The following TBC1D19 variants were observed in gnomAD, a reference collection of about 807,000 sequenced individuals.
TBC1D19 encodes TBC1 domain family, member 19.
TBC1D19 carries 60 observed loss-of-function variants against 89.0 expected under a neutral mutation model. The ratio of observed to expected loss-of-function variants is 0.67; its 90% CI spans 0.55 to 0.84. TBC1D19 has a LOEUF of 0.84. Among genes scored for constraint, TBC1D19 ranks in the 40% least tolerant of loss-of-function variants. TBC1D19 has a pLI of 0.00. For synonymous variants in TBC1D19, 189 were observed against 199.7 expected, an observed-to-expected ratio of 0.95 and a Z score of 0.45; for missense variants, 500 against 610.8, an observed-to-expected ratio of 0.82 and a Z score of 1.91.
At chr4:26,722,000 A>G (rs1717009066) in intron 15 of TBC1D19, among the ~76,000 whole-genome samples, 1 of 152,190 alleles carries the variant, frequency 6.6e-6, no homozygotes, top group South Asian at 2.1e-4. Flanking sequence ...CTCCCATAGT[A>G]CCTGGTCTAA....
Position 26,622,496 on chromosome 4 carries a change from C to T in TBC1D19, c.294+1808C>T, listed in dbSNP as rs1297801235. Among the ~76,000 whole-genome samples the T allele has an allele frequency of 3.9e-5, 6 of 152,138 alleles. No homozygotes were observed. In the Middle Eastern group the frequency reaches 0.01, roughly 259 times the overall value. On this transcript the variant is annotated intron_variant, in intron 4 of 20. Transcript: ENST00000264866. ...AGAATATATGTGAGTGATAGGTACA[C>T]GTATGATACTCCTCTCTTTTCTTTC...
chr4:26,735,365 C>A (rs1717979777), intron 15 of TBC1D19, 90 bp from the exon 16 acceptor site: 3 of 1,086,050 alleles, frequency 2.8e-6, no homozygotes, highest in Admixed American at 3.2e-5. Flanking sequence ...AAATAGAAAA[C>A]CTTTTTATTG....
the TBC1D19 span, among the ~76,000 whole-genome samples, chr4:26,782,511 G>A: frequency 6.6e-6 from 1 of 152,140 alleles, no homozygotes; most frequent in African/African-American, 2.4e-5. Context: ...GCAGCCAAAC[G>A]TCAAAACTGG....
chr4:26,748,279 A>G (rs1718760499), intron 18 of TBC1D19, 132 bp from the exon 19 acceptor site: 2 of 634,080 alleles, frequency 3.2e-6, no homozygotes, highest in African/African-American at 1.8e-5. Flanking sequence ...GCTTTCAAGA[A>G]AGTACTTAAG....
intron 16 of TBC1D19, among the ~76,000 whole-genome samples, chr4:26,737,534 T>C (rs1345005639): frequency 6.6e-6 from 1 of 152,154 alleles, no homozygotes; most frequent in Non-Finnish European, 1.5e-5. Context: ...TATCATTGAC[T>C]CAGCCTCTGC....
intron 13 of TBC1D19, among the ~76,000 whole-genome samples, chr4:26,697,478 T>C (rs967451963): frequency 3.3e-5 from 5 of 151,960 alleles, no homozygotes; most frequent in Non-Finnish European, 7.4e-5. Context: ...TTCCAATCAA[T>C]AGAAAAAGAG....
intron 13 of TBC1D19, among the ~76,000 whole-genome samples, chr4:26,701,744 T>C (rs77210884): frequency 2.8e-4 from 43 of 151,100 alleles, no homozygotes; most frequent in African/African-American, 9.9e-4. Flanking sequence ...CACAAAGACA[T>C]AAAAAAAACC....
chr4:26,776,319 G>T, the TBC1D19 span, among the ~76,000 whole-genome samples: 1 of 151,942 alleles, frequency 6.6e-6, no homozygotes, highest in African/African-American at 2.4e-5. Flanking sequence ...TAGTTTTCAA[G>T]AATACAAGAG....
chr4:26,583,689 T>C (rs10805265), upstream of TBC1D19, among the ~76,000 whole-genome samples: 125,954 of 152,172 alleles, frequency 0.83, 57,102 homozygotes, highest in Non-Finnish European at 1. Context: ...TCCTGCAAAC[T>C]GGGTGTTATT....
the TBC1D19 span, among the ~76,000 whole-genome samples, chr4:26,818,620 C>T: frequency 3.1e-3 from 466 of 152,310 alleles, 5 homozygotes; most frequent in African/African-American, 0.011. Context: ...AGATTCTTTA[C>T]TCGTATTCCC....
At chr4:26,824,355 A>G in the TBC1D19 span, among the ~76,000 whole-genome samples, 5 of 152,256 alleles carry the variant, frequency 3.3e-5, no homozygotes, top group African/African-American at 1.2e-4. Context: ...TTGCAGTTTC[A>G]AATGTTGACT....
chr4:26,794,727 A>G, the TBC1D19 span, among the ~76,000 whole-genome samples: 17 of 152,368 alleles, frequency 1.1e-4, no homozygotes, highest in South Asian at 3.3e-3. Flanking sequence ...ATGCTACTTA[A>G]ATAATTCTAG....
chr4:26,590,989 T>TG lies in TBC1D19; in HGVS notation c.99+6698dup, dbSNP rs544335167. 1.6e-3 allele frequency among the ~76,000 whole-genome samples: 237 copies of TG among 151,778 alleles called. 2 individuals are homozygous for TG. Among genetic ancestry groups the TG allele is most frequent in the African/African-American group, 5.6e-3 (230 of 41,324 alleles). ...ACAAATACATGGTGTCCTGTATTTA[T>TG]GTATTCACAATTCCAGTATCATACA... On this transcript the variant is annotated intron_variant, in intron 1 of 20. Transcript: ENST00000264866.
chr4:26,616,198 A>G (rs1262400728), intron 3 of TBC1D19, among the ~76,000 whole-genome samples: 1 of 152,182 alleles, frequency 6.6e-6, no homozygotes, highest in African/African-American at 2.4e-5. Context: ...AGGAGGACAT[A>G]GCTTAGTATG....
At chr4:26,578,490 G>T (rs979092345) in intron 1 of TBC1D19, among the ~76,000 whole-genome samples, 1 of 152,110 alleles carries the variant, frequency 6.6e-6, no homozygotes, top group Admixed American at 6.6e-5. Context: ...ATGGTGAAAG[G>T]CATGTAAGTT....
intron 4 of TBC1D19, among the ~76,000 whole-genome samples, chr4:26,631,311 C>T (rs1167788337): frequency 6.6e-6 from 1 of 151,976 alleles, no homozygotes; most frequent in African/African-American, 2.4e-5. Context: ...TGATACAGAT[C>T]TTATGAACTT....
At chr4:26,587,320 G>A (rs1031601149) in intron 1 of TBC1D19, among the ~76,000 whole-genome samples, 30 of 152,142 alleles carry the variant, frequency 2.0e-4, no homozygotes, top group African/African-American at 6.5e-4. Context: ...GCTCATGCCT[G>A]TAATCCTAGC....
chr4:26,758,663 G>A (rs1719355126), downstream of TBC1D19, among the ~76,000 whole-genome samples: 1 of 152,190 alleles, frequency 6.6e-6, no homozygotes, highest in South Asian at 2.1e-4. Flanking sequence ...GTCTAGGAAT[G>A]GAGAGAAGGA....
At chr4:26,835,974 G>GCT in the TBC1D19 span, among the ~76,000 whole-genome samples, 11,943 of 143,434 alleles carry the variant, frequency 0.083, 587 homozygotes, top group African/African-American at 0.14. Flanking sequence ...CATGTGAAGT[G>GCT]CTCTCTCTCT....
Sources: allele counts gnomAD v4.1 joint callset (sites outside exome capture counted in the v4.1 genomes callset), GRCh38; gene constraint gnomAD v4.1.1; transcripts MANE v1.5; gene names NCBI Gene and HGNC (gene_info 2026-07-23, HGNC 2026-07-21).